RIMS2: variants seen among roughly 807,000 people sequenced by gnomAD.
RIMS2 encodes regulating synaptic membrane exocytosis 2.
In RIMS2, 59 loss-of-function variants were observed where a neutral mutation model predicts 174.4. The ratio of observed to expected loss-of-function variants is 0.34; its 90% CI spans 0.27 to 0.42. The LOEUF (loss-of-function observed/expected upper bound fraction) is 0.42, where lower values mean the gene tolerates loss of function less well. Among genes scored for constraint, RIMS2 ranks in the 10% least tolerant of loss-of-function variants. The pLI is 1.00. For missense variants in RIMS2, 1,620 were observed against 1,666.3 expected, an observed-to-expected ratio of 0.97 and a Z score of 0.48; for synonymous variants, 606 against 572.5, an observed-to-expected ratio of 1.06 and a Z score of -0.84.
chr8:103,605,253 A>G (rs2094994060), intron 1 of RIMS2, among the ~76,000 whole-genome samples: 1 of 139,014 alleles, frequency 7.2e-6, no homozygotes, highest in Non-Finnish European at 1.5e-5. Context: ...ATCTATTGAG[A>G]TAATCATGTG....
chr8:103,659,518 T>C (rs2096571138), intron 1 of RIMS2, among the ~76,000 whole-genome samples: 1 of 152,210 alleles, frequency 6.6e-6, no homozygotes, highest in South Asian at 2.1e-4. Context: ...GAGAGCATGT[T>C]GGAGCCGGCC....
At chr8:104,145,659 C>G (rs1420299119) in intron 19 of RIMS2, among the ~76,000 whole-genome samples, 6 of 122,206 alleles carry the variant, frequency 4.9e-5, no homozygotes, top group Admixed American at 2.7e-4. Context: ...AACCCCGTCT[C>G]TACTAAAAAT....
intron 19 of RIMS2, among the ~76,000 whole-genome samples, chr8:104,203,808 TTTTA>T (rs2099067057): frequency 1.3e-5 from 2 of 152,286 alleles, no homozygotes; most frequent in Middle Eastern, 6.8e-3. Context: ...CTGATCTACT[TTTTA>T]TTTCTTTTAA....
intron 16 of RIMS2, among the ~76,000 whole-genome samples, chr8:103,985,058 A>G (rs1235181598): frequency 6.6e-6 from 1 of 152,220 alleles, no homozygotes; most frequent in Non-Finnish European, 1.5e-5. Flanking sequence ...CAGTGGGTGA[A>G]GGGGATGTGG....
chr8:103,828,375 A>G (rs1017617265), intron 3 of RIMS2, among the ~76,000 whole-genome samples: 5 of 152,086 alleles, frequency 3.3e-5, no homozygotes, highest in African/African-American at 1.2e-4. Context: ...GGCTACATGT[A>G]TGTCTTCTTT....
intron 1 of RIMS2, among the ~76,000 whole-genome samples, chr8:103,665,928 T>C (rs2096663001): frequency 6.6e-6 from 1 of 152,226 alleles, no homozygotes; most frequent in Admixed American, 6.5e-5. Context: ...AATGCCTCTT[T>C]TCCTTATGCT....
intron 19 of RIMS2, among the ~76,000 whole-genome samples, chr8:104,048,254 A>G (rs981088936): frequency 3.3e-5 from 5 of 152,188 alleles, no homozygotes; most frequent in Non-Finnish European, 5.9e-5. Flanking sequence ...TAAAACTCTA[A>G]TAGACAAAAT....
intron 1 of RIMS2, chr8:103,569,079 G>T: frequency 5.4e-6 from 2 of 372,884 alleles, no homozygotes; most frequent in Non-Finnish European, 9.8e-6. Context: ...GTTGCTTTGT[G>T]CTTCAGTGTT....
intron 19 of RIMS2, among the ~76,000 whole-genome samples, chr8:104,074,118 G>A (rs987613556): frequency 2.0e-5 from 3 of 152,152 alleles, no homozygotes; most frequent in Non-Finnish European, 4.4e-5. Flanking sequence ...CAAGGCACAG[G>A]CAATGAGGGG....
chr8:104,036,918 A>G (rs938816355), intron 19 of RIMS2, among the ~76,000 whole-genome samples: 3 of 152,156 alleles, frequency 2.0e-5, no homozygotes, highest in South Asian at 2.1e-4. Flanking sequence ...TTATGTAAGT[A>G]TAGTGAATTT....
chr8:103,501,271 C>T (rs1819664045), intron 1 of RIMS2: 1 of 313,524 alleles, frequency 3.2e-6, no homozygotes, highest in Non-Finnish European at 5.9e-6. Flanking sequence ...GGCGCCAAGG[C>T]CGGCTGAGGT....
At chr8:103,966,610 C>T (rs562282566) in intron 15 of RIMS2, among the ~76,000 whole-genome samples, 1 of 152,102 alleles carries the variant, frequency 6.6e-6, no homozygotes, top group East Asian at 1.9e-4. Flanking sequence ...TTTCTGTTTT[C>T]AATTTTACTG....
chr8:103,758,080 C>A (rs1425921932), intron 2 of RIMS2, among the ~76,000 whole-genome samples: 1 of 152,044 alleles, frequency 6.6e-6, no homozygotes. Context: ...TTCCATTTTT[C>A]CCCCTTCTGT....
chr8:103,611,079 C>G (rs530326372), intron 1 of RIMS2, among the ~76,000 whole-genome samples: 8 of 152,034 alleles, frequency 5.3e-5, no homozygotes, highest in Non-Finnish European at 1.5e-5. Flanking sequence ...GGAATTTATT[C>G]ATTTCTTCTA....
At chr8:103,693,568 G>A (rs1464798687) in intron 1 of RIMS2, among the ~76,000 whole-genome samples, 1 of 152,132 alleles carries the variant, frequency 6.6e-6, no homozygotes, top group East Asian at 1.9e-4. Context: ...GTAGGAAGTA[G>A]GGACTTATTC....
chr8:103,540,959 A>G (rs1196561114), intron 1 of RIMS2, among the ~76,000 whole-genome samples: 2 of 151,302 alleles, frequency 1.3e-5, no homozygotes, highest in Non-Finnish European at 3.0e-5. Flanking sequence ...TTGAAAATAT[A>G]CAGTGAGAGG....
In RIMS2 at chr8:104,076,717, C is replaced by T. The variant is rs142090160; in HGVS notation, c.3334+62102C>T. Among the ~76,000 whole-genome samples, 484 of 152,140 alleles carry T rather than the reference C, an allele frequency of 3.2e-3. 3 individuals carry two copies. The highest frequency in any genetic ancestry group is 0.011 in the African/African-American group (469 of 41,524). ...ATTAAAACCCTACCTCTTATACTATCTGTATGACCTTGGGCAAGTTACTTA... is the reference window on the plus strand; with the variant it reads ...ATTAAAACCCTACCTCTTATACTATTTGTATGACCTTGGGCAAGTTACTTA... On this transcript the variant is annotated intron_variant, in intron 19 of 23. Transcript: ENST00000504942.
intron 19 of RIMS2, among the ~76,000 whole-genome samples, chr8:104,175,516 T>C (rs2098881121): frequency 6.6e-6 from 1 of 152,152 alleles, no homozygotes. Context: ...AATCACTCTG[T>C]TGTGCTAGCA....
chr8:104,107,793 T>A (rs951825495), intron 19 of RIMS2, among the ~76,000 whole-genome samples: 6 of 152,096 alleles, frequency 3.9e-5, no homozygotes, highest in African/African-American at 1.4e-4. Context: ...ACAAAAACTT[T>A]AAAAAAATTA....
Sources: allele counts gnomAD v4.1 joint callset (sites outside exome capture counted in the v4.1 genomes callset), GRCh38; gene constraint gnomAD v4.1.1; transcripts MANE v1.5; gene names NCBI Gene and HGNC (gene_info 2026-07-23, HGNC 2026-07-21).